Variants in RTN3 observed in about 807,000 individuals in gnomAD.
RTN3 encodes reticulon-3.
Under a neutral mutation model 77.8 loss-of-function variants are expected in RTN3, and 49 were observed. The ratio of observed to expected loss-of-function variants is 0.63; its 90% CI spans 0.50 to 0.80. RTN3 has a LOEUF of 0.80. Ranked by LOEUF, RTN3 falls within the 30% of genes least tolerant of loss-of-function variation. RTN3 has a pLI of 0.00. For missense variants in RTN3, 1,236 were observed against 1,211.9 expected (o/e 1.02, Z -0.29); for synonymous variants, 464 against 446.9 (o/e 1.04, Z -0.48).
At chr11:63,692,746 G>A (rs1178233592) in intron 1 of RTN3, among the ~76,000 whole-genome samples, 3 of 151,602 alleles carry the variant, frequency 2.0e-5, no homozygotes, top group African/African-American at 7.3e-5. Context: ...GGGTGACAGA[G>A]CGAGACTCCG....
chr11:63,699,430 T>A (rs1199261062), intron 1 of RTN3, among the ~76,000 whole-genome samples: 5 of 152,326 alleles, frequency 3.3e-5, no homozygotes, highest in African/African-American at 1.2e-4. Flanking sequence ...TCTTCTCTCT[T>A]GTCAGCAGTC....
intron 7 of RTN3, among the ~76,000 whole-genome samples, chr11:63,755,471 C>T (rs987557548): frequency 3.3e-5 from 5 of 151,184 alleles, no homozygotes; most frequent in Non-Finnish European, 4.4e-5. Flanking sequence ...CATGAAGAAA[C>T]CCTGTCTCTG....
chr11:63,701,544 T>C (rs1942237719), intron 1 of RTN3, among the ~76,000 whole-genome samples: 1 of 152,118 alleles, frequency 6.6e-6, no homozygotes, highest in African/African-American at 2.4e-5. Context: ...TGCCGGAGGC[T>C]CCTCAGTTTC....
intron 1 of RTN3, among the ~76,000 whole-genome samples, chr11:63,691,872 G>A (rs1229441069): frequency 6.6e-6 from 1 of 152,120 alleles, no homozygotes; most frequent in South Asian, 2.1e-4. Flanking sequence ...ACAGCAGCTG[G>A]TATAAGCCTG....
intron 1 of RTN3, among the ~76,000 whole-genome samples, chr11:63,694,556 T>A (rs890200561): frequency 6.6e-6 from 1 of 152,140 alleles, no homozygotes; most frequent in African/African-American, 2.4e-5. Context: ...CACTACAACG[T>A]CCATGTCCTG....
intron 3 of RTN3, among the ~76,000 whole-genome samples, chr11:63,743,139 G>A (rs1185324895): frequency 1.3e-5 from 2 of 152,140 alleles, no homozygotes; most frequent in Admixed American, 1.3e-4. Flanking sequence ...GACCTCTGGT[G>A]ATCCGCCTGC....
At chr11:63,713,479 G>C (rs1397053552) in intron 2 of RTN3, among the ~76,000 whole-genome samples, 1 of 151,818 alleles carries the variant, frequency 6.6e-6, no homozygotes, top group African/African-American at 2.4e-5. Flanking sequence ...CTGGCTAATT[G>C]TTTAATTTTT....
chr11:63,735,343 A>G (rs1419550022), intron 3 of RTN3, among the ~76,000 whole-genome samples: 1 of 152,196 alleles, frequency 6.6e-6, no homozygotes, highest in Admixed American at 6.5e-5. Context: ...CACCAAAAGC[A>G]TAAAATACTT....
At chr11:63,738,188 C>A (rs1258147128) in intron 3 of RTN3, among the ~76,000 whole-genome samples, 1 of 152,298 alleles carries the variant, frequency 6.6e-6, no homozygotes, top group East Asian at 1.9e-4. Flanking sequence ...ACTGTTTCCC[C>A]TTTATTAACA....
intron 3 of RTN3, among the ~76,000 whole-genome samples, chr11:63,727,044 A>G (rs2012332957): frequency 6.6e-6 from 1 of 151,808 alleles, no homozygotes; most frequent in Non-Finnish European, 1.5e-5. Context: ...TACAAAATTA[A>G]GCCAGGCATG....
At chr11:63,732,723 C>G (rs1052769925) in intron 3 of RTN3, among the ~76,000 whole-genome samples, 11 of 151,990 alleles carry the variant, frequency 7.2e-5, no homozygotes, top group African/African-American at 2.7e-4. Flanking sequence ...AAGAAAATTC[C>G]AGGCCCAGAG....
At chr11:63,694,889 A>G (rs963905171) in intron 1 of RTN3, among the ~76,000 whole-genome samples, 16 of 152,242 alleles carry the variant, frequency 1.1e-4, no homozygotes, top group Non-Finnish European at 2.4e-4. Flanking sequence ...TGGTGCAAAG[A>G]AAGCTTTCCA....
rs193093736 is a variant in RTN3 at position 63,723,727 on chromosome 11, C to T, written c.2530+2695C>T. ...ACAGGCCTGAGCCACCACACACAGC[C>T]GATTGTCTAGTTTTAAATACGTGTA... On this transcript the variant is annotated intron_variant, in intron 3 of 8. Coordinates refer to ENST00000377819, the MANE Select transcript of RTN3 (RefSeq NM_001265589.2). Among the ~76,000 whole-genome samples, 28 of 152,174 alleles carry T rather than the reference C, an allele frequency of 1.8e-4. No individual in the cohort carries two copies. In the East Asian group the frequency reaches 3.9e-3, roughly 21 times the overall value.
intron 1 of RTN3, among the ~76,000 whole-genome samples, chr11:63,687,709 A>G (rs1941447048): frequency 6.6e-6 from 1 of 152,192 alleles, no homozygotes; most frequent in African/African-American, 2.4e-5. Context: ...ATATAGATCA[A>G]CAATGTGACC....
At chr11:63,746,749 C>T (rs1255663934) in intron 3 of RTN3, among the ~76,000 whole-genome samples, 3 of 151,934 alleles carry the variant, frequency 2.0e-5, no homozygotes, top group Non-Finnish European at 4.4e-5. Flanking sequence ...CTCCTGACCT[C>T]GTGATCTGCC....
chr11:63,693,344 A>G (rs984906120), intron 1 of RTN3, among the ~76,000 whole-genome samples: 2 of 151,490 alleles, frequency 1.3e-5, no homozygotes, highest in African/African-American at 4.8e-5. Context: ...TTAGCTGGGC[A>G]TGGTGGCACA....
In RTN3 at chr11:63,717,375, CTTTTTTTTTTTTTT is replaced by C. The variant is rs1187530525; in HGVS notation, c.200-1313_200-1300del. 4.0e-5 allele frequency among the ~76,000 whole-genome samples: 3 copies of C among 75,164 alleles called. No individual in the cohort carries two copies. In the Admixed American group the frequency reaches 4.3e-4, roughly 11 times the overall value. 49.3% of individuals were successfully genotyped at this position (75,164 alleles called of 152,430 possible). A position where few individuals can be genotyped will look rare whatever the true frequency, so the allele number is the denominator to read the frequency against. Reference sequence around the variant, plus strand: ...AAAGTAATTCTGGAGTTAACTCTGTCTTTTTTTTTTTTTTTTTTTTTTTTTTTGAGACAGTTTCA... The same window carrying C: ...AAAGTAATTCTGGAGTTAACTCTGTCTTTTTTTTTTTTTGAGACAGTTTCA... On this transcript the variant is annotated intron_variant, in intron 2 of 8. Transcript: ENST00000377819.
chr11:63,736,298 A>G (rs959280462), intron 3 of RTN3, among the ~76,000 whole-genome samples: 2 of 152,176 alleles, frequency 1.3e-5, no homozygotes, highest in African/African-American at 4.8e-5. Flanking sequence ...GAAGCTATCA[A>G]GAGAATCTTA....
At chr11:63,755,295 T>G (rs1181390522) in intron 7 of RTN3, among the ~76,000 whole-genome samples, 1 of 152,158 alleles carries the variant, frequency 6.6e-6, no homozygotes, top group Non-Finnish European at 1.5e-5. Context: ...TTTTTTCACT[T>G]TAACAAAGTG....
Sources: allele counts gnomAD v4.1 joint callset (sites outside exome capture counted in the v4.1 genomes callset), GRCh38; gene constraint gnomAD v4.1.1; transcripts MANE v1.5; gene names NCBI Gene and HGNC (gene_info 2026-07-23, HGNC 2026-07-21).